Variants in BANK1 observed in about 807,000 individuals in gnomAD.
The protein encoded by BANK1 is B cell scaffold protein with ankyrin repeats 1, also known as B-cell scaffold protein with ankyrin repeats.
BANK1 carries 95 observed loss-of-function variants against 94.5 expected under a neutral mutation model. The ratio of observed to expected loss-of-function variants is 1.00; its 90% CI spans 0.85 to 1.19. The LOEUF (loss-of-function observed/expected upper bound fraction) is 1.19, where lower values mean the gene tolerates loss of function less well. Ranked by LOEUF, BANK1 falls within the 50% of genes most tolerant of loss-of-function variation. The pLI, the probability that BANK1 is intolerant of heterozygous loss-of-function variation, is 0.00. For synonymous variants in BANK1, 334 were observed against 308.4 expected (o/e 1.08, Z -0.87); for missense variants, 987 against 932.2 (o/e 1.06, Z -0.77).
chr4:101,953,383 G>C (rs971742637), intron 7 of BANK1, among the ~76,000 whole-genome samples: 1 of 152,068 alleles, frequency 6.6e-6, no homozygotes, highest in Admixed American at 6.6e-5. Context: ...AGGCATCTCT[G>C]TTCTTGATCA....
chr4:101,833,530 A>G (rs976073460), intron 2 of BANK1, among the ~76,000 whole-genome samples: 1 of 152,028 alleles, frequency 6.6e-6, no homozygotes, highest in African/African-American at 2.4e-5. Flanking sequence ...TTCTCCCTCA[A>G]ATTGTTGCCT....
chr4:101,991,577 C>T (rs889471197), intron 7 of BANK1, among the ~76,000 whole-genome samples: 14 of 152,114 alleles, frequency 9.2e-5, no homozygotes, highest in African/African-American at 2.9e-4. Context: ...TAAAAATGAG[C>T]CCAGGAGGTG....
intron 7 of BANK1, among the ~76,000 whole-genome samples, chr4:101,934,882 T>G (rs1723477466): frequency 6.6e-6 from 1 of 151,554 alleles, no homozygotes. Context: ...ATGAGCCGTG[T>G]TTACCTGCCC....
chr4:102,034,058 G>T (rs1256988984), intron 10 of BANK1, among the ~76,000 whole-genome samples: 1 of 151,558 alleles, frequency 6.6e-6, no homozygotes, highest in Non-Finnish European at 1.5e-5. Flanking sequence ...AGCTTGGGCA[G>T]ATCTATTAAG....
intron 1 of BANK1, among the ~76,000 whole-genome samples, chr4:101,794,792 A>G (rs1360756610): frequency 3.3e-5 from 5 of 152,052 alleles, no homozygotes. Flanking sequence ...GAAATAATCC[A>G]GAAAGATGAC....
intron 1 of BANK1, among the ~76,000 whole-genome samples, chr4:101,796,786 C>A (rs982763436): frequency 2.0e-5 from 3 of 152,088 alleles, no homozygotes; most frequent in African/African-American, 7.2e-5. Context: ...CATACTGTTT[C>A]TGGCAAGTTT....
At chr4:101,903,649 A>G (rs954965309) in intron 6 of BANK1, among the ~76,000 whole-genome samples, 1 of 152,194 alleles carries the variant, frequency 6.6e-6, no homozygotes, top group Non-Finnish European at 1.5e-5. Flanking sequence ...GCCAAGGGCT[A>G]ATAAGACTAG....
chr4:101,933,600 T>C (rs1412865653), intron 7 of BANK1, among the ~76,000 whole-genome samples: 1 of 151,572 alleles, frequency 6.6e-6, no homozygotes, highest in Middle Eastern at 3.2e-3. Context: ...TATATAATGT[T>C]ATACTGATGA....
At chr4:101,856,745 G>A (rs1211489225) in intron 3 of BANK1, among the ~76,000 whole-genome samples, 2 of 151,964 alleles carry the variant, frequency 1.3e-5, no homozygotes, top group Non-Finnish European at 2.9e-5. Context: ...GGAGAATCAT[G>A]GACTGTTTTT....
intron 7 of BANK1, among the ~76,000 whole-genome samples, chr4:101,932,363 G>A (rs1016480238): frequency 6.6e-6 from 1 of 151,526 alleles, no homozygotes; most frequent in Non-Finnish European, 1.5e-5. Context: ...GTTTGTGTAT[G>A]TACATAAAAT....
chr4:101,915,816 T>A (rs1722808687), intron 6 of BANK1, among the ~76,000 whole-genome samples: 1 of 152,046 alleles, frequency 6.6e-6, no homozygotes, highest in Non-Finnish European at 1.5e-5. Context: ...CTTGGCAGCA[T>A]TTTTTTGTTT....
chr4:101,821,823 T>A (rs190062648), intron 1 of BANK1, among the ~76,000 whole-genome samples: 35 of 152,230 alleles, frequency 2.3e-4, no homozygotes, highest in African/African-American at 8.4e-4. Context: ...AAAATGGCCA[T>A]ACAGGAAAGC....
At chr4:101,973,827 A>G (rs563341264) in intron 7 of BANK1, among the ~76,000 whole-genome samples, 5 of 152,244 alleles carry the variant, frequency 3.3e-5, no homozygotes, top group South Asian at 4.1e-4. Flanking sequence ...AGAAAAGACA[A>G]TCATATTATA....
chr4:101,859,571 G>T (rs150449950), intron 3 of BANK1, among the ~76,000 whole-genome samples: 9 of 152,270 alleles, frequency 5.9e-5, no homozygotes, highest in Admixed American at 4.6e-4. Context: ...AGCTTCGTAA[G>T]TGGTAAAACT....
chr4:102,051,176 T>A (rs898212004), intron 11 of BANK1, among the ~76,000 whole-genome samples: 1 of 152,170 alleles, frequency 6.6e-6, no homozygotes. Flanking sequence ...GAAAAGAGAA[T>A]GCTGATCTCT....
chr4:101,958,917 A>G (rs1724466429), intron 7 of BANK1, among the ~76,000 whole-genome samples: 1 of 152,186 alleles, frequency 6.6e-6, no homozygotes, highest in East Asian at 1.9e-4. Context: ...CAAGTATTTG[A>G]GAGGATTATG....
At chr4:101,822,806 G>A (rs1179397491) in intron 1 of BANK1, among the ~76,000 whole-genome samples, 1 of 151,798 alleles carries the variant, frequency 6.6e-6, no homozygotes, top group Admixed American at 6.6e-5. Context: ...TAGTAGAGGC[G>A]GGGTTTCGCC....
chr4:101,943,837 G>A (rs1158046575), intron 7 of BANK1, among the ~76,000 whole-genome samples: 11 of 151,756 alleles, frequency 7.2e-5, no homozygotes, highest in Admixed American at 2.0e-4. Context: ...TATACTGCCC[G>A]ATTTTCTGGA....
Position 102,065,812 on chromosome 4 carries a change from T to A in BANK1, c.2212+2674T>A, listed in dbSNP as rs138728134. On this transcript the variant is annotated intron_variant, in intron 13 of 16. Coordinates refer to ENST00000322953, the MANE Select transcript of BANK1 (RefSeq NM_017935.5). Reference sequence around the variant, plus strand: ...GATGAACTTATTATCAAATTGGAGATGACAAATTAAGAGTTAGTAAACAAA... The same window carrying A: ...GATGAACTTATTATCAAATTGGAGAAGACAAATTAAGAGTTAGTAAACAAA... 2.0e-4 allele frequency among the ~76,000 whole-genome samples: 30 copies of A among 152,136 alleles called. 1 individual carries two copies. The highest frequency in any genetic ancestry group is 5.9e-4 in the Admixed American group (9 of 15,286).
Sources: allele counts gnomAD v4.1 joint callset (sites outside exome capture counted in the v4.1 genomes callset), GRCh38; gene constraint gnomAD v4.1.1; transcripts MANE v1.5; gene names NCBI Gene and HGNC (gene_info 2026-07-23, HGNC 2026-07-21).